MEIS2: variants seen among roughly 807,000 people sequenced by gnomAD.
MEIS2 encodes homeobox protein Meis2.
MEIS2 carries 9 observed loss-of-function variants against 58.6 expected under a neutral mutation model. That is an observed-to-expected ratio of 0.15 (90% CI 0.09 to 0.27). The LOEUF (loss-of-function observed/expected upper bound fraction) is 0.27. MEIS2 is among the 10% of genes least tolerant of loss of function. The pLI is 1.00. For missense variants in MEIS2, 427 were observed against 635.0 expected (o/e 0.67, Z 3.52); for synonymous variants, 221 against 228.4 (o/e 0.97, Z 0.29).
At chr15:36,936,354 C>A (rs1187059340) in intron 9 of MEIS2, among the ~76,000 whole-genome samples, 1 of 152,048 alleles carries the variant, frequency 6.6e-6, no homozygotes, top group African/African-American at 2.4e-5. Context: ...TGTCACCACG[C>A]CCAGCTAATT....
At chr15:37,010,807 T>C (rs1435186812) in intron 8 of MEIS2, among the ~76,000 whole-genome samples, 3 of 152,250 alleles carry the variant, frequency 2.0e-5, no homozygotes, top group Non-Finnish European at 1.5e-5. Flanking sequence ...CTTTATCTCT[T>C]GCTCCTTCCA....
Position 37,012,596 on chromosome 15 carries a change from T to A in MEIS2, c.900+24218A>T, listed in dbSNP as rs186192026. 2.2e-3 allele frequency among the ~76,000 whole-genome samples: 336 copies of A among 152,334 alleles called. 1 individual carries two copies. The highest frequency in any genetic ancestry group is 7.6e-3 in the African/African-American group (315 of 41,566). On this transcript the variant is annotated intron_variant, in intron 8 of 11. Transcript: ENST00000561208. ...TTACCACACTTTGCTTGTTTGTGTG[T>A]ATACATGCATGTGTGTGCATCTATA...
At chr15:37,092,867 A>C (rs1296582292) in intron 6 of MEIS2, among the ~76,000 whole-genome samples, 1 of 151,482 alleles carries the variant, frequency 6.6e-6, no homozygotes, top group Non-Finnish European at 1.5e-5. Flanking sequence ...ATCCTCATTC[A>C]CCAACTGTTA....
chr15:37,009,322 T>C (rs899134982), intron 8 of MEIS2, among the ~76,000 whole-genome samples: 4 of 152,108 alleles, frequency 2.6e-5, no homozygotes, highest in African/African-American at 9.7e-5. Flanking sequence ...AAATAAGATG[T>C]CAACTTGAGC....
intron 6 of MEIS2, among the ~76,000 whole-genome samples, chr15:37,085,605 C>G (rs554430548): frequency 6.6e-6 from 1 of 152,286 alleles, no homozygotes; most frequent in East Asian, 1.9e-4. Flanking sequence ...GATACTGGCA[C>G]TGCTATCAGG....
intron 9 of MEIS2, among the ~76,000 whole-genome samples, chr15:36,911,870 G>T (rs2057043267): frequency 6.6e-6 from 1 of 152,190 alleles, no homozygotes. Flanking sequence ...TATTTGCTGT[G>T]AAGAATTGGC....
intron 8 of MEIS2, among the ~76,000 whole-genome samples, chr15:36,982,286 A>G (rs759710001): frequency 6.6e-6 from 1 of 152,184 alleles, no homozygotes; most frequent in Non-Finnish European, 1.5e-5. Flanking sequence ...AAACTTACTC[A>G]TTCAGCATAA....
At position 36,911,183 on chromosome 15, in the gene MEIS2, A is replaced by T. The variant is rs184083153; in HGVS notation, c.978-14497T>A. On this transcript the variant is annotated intron_variant, in intron 9 of 11. Transcript: ENST00000561208. ...TTTTCCTACTCAATGAAATATTTTT[A>T]AAAAAAAGATCATTGGGTATTTTAC... Among the ~76,000 whole-genome samples the T allele has an allele frequency of 8.1e-3, 1,229 of 151,922 alleles. 7 individuals are homozygous for T. The highest frequency in any genetic ancestry group is 0.017 in the African/African-American group (701 of 41,428).
intron 8 of MEIS2, among the ~76,000 whole-genome samples, chr15:36,970,952 T>C (rs544064663): frequency 2.0e-4 from 30 of 152,274 alleles, no homozygotes; most frequent in Admixed American, 1.2e-3. Context: ...ATAAAATGTG[T>C]TTAAAGCAAC....
At chr15:37,033,325 AAATGGGCC>A (rs2062006858) in intron 8 of MEIS2, among the ~76,000 whole-genome samples, 1 of 152,212 alleles carries the variant, frequency 6.6e-6, no homozygotes, top group Admixed American at 6.5e-5. Flanking sequence ...ATGAATGTCA[AAATGGGCC>A]AATGGCCCAT....
chr15:36,979,720 A>G (rs28485820), intron 8 of MEIS2, among the ~76,000 whole-genome samples: 37,471 of 146,976 alleles, frequency 0.25, 5,211 homozygotes, highest in Non-Finnish European at 0.31. Flanking sequence ...ATATATATGA[A>G]TTACATTTTA....
intron 11 of MEIS2, 63 bp from the exon 12 acceptor site, chr15:36,892,522 T>C (rs1196499526): frequency 9.2e-6 from 6 of 653,538 alleles, no homozygotes; most frequent in African/African-American, 4.2e-5. Context: ...ACTTTACCCA[T>C]CAAAGATGAA....
At chr15:37,021,553 T>G (rs190780996) in intron 8 of MEIS2, among the ~76,000 whole-genome samples, 2 of 152,356 alleles carry the variant, frequency 1.3e-5, no homozygotes, top group African/African-American at 4.8e-5. Flanking sequence ...ACAGAGATGT[T>G]GCACCTCCAA....
intron 8 of MEIS2, among the ~76,000 whole-genome samples, chr15:37,025,507 CCTCA>C (rs996042141): frequency 6.6e-6 from 1 of 152,036 alleles, no homozygotes; most frequent in Admixed American, 6.5e-5. Flanking sequence ...AACAGATTGT[CCTCA>C]CTATCTAAAG....
intron 8 of MEIS2, among the ~76,000 whole-genome samples, chr15:36,975,069 T>C (rs1444477817): frequency 6.6e-6 from 1 of 152,210 alleles, no homozygotes; most frequent in Admixed American, 6.5e-5. Flanking sequence ...CATATGTTCA[T>C]GGAAAATATA....
rs1482333044 is a variant in MEIS2 at position 36,995,978 on chromosome 15, T to G, written c.900+40836A>C. ...TGAGATATATATATATATATATATA[T>G]ATATATATATATATATATATATATG... is the stretch of plus-strand genomic sequence containing the variant. On this transcript the variant is annotated intron_variant, in intron 8 of 11. Coordinates refer to ENST00000561208, the MANE Select transcript of MEIS2 (RefSeq NM_170675.5). 9.1e-3 allele frequency among the ~76,000 whole-genome samples: 372 copies of G among 40,666 alleles called. 3 individuals carry two copies. Among genetic ancestry groups the G allele is most frequent in the African/African-American group, 0.018 (358 of 20,026 alleles). 26.7% of individuals were successfully genotyped at this position (40,666 alleles called of 152,430 possible). A position where few individuals can be genotyped will look rare whatever the true frequency, so the allele number is the denominator to read the frequency against.
At chr15:37,043,862 A>G (rs2062550296) in intron 7 of MEIS2, among the ~76,000 whole-genome samples, 5 of 151,750 alleles carry the variant, frequency 3.3e-5, no homozygotes, top group Admixed American at 3.3e-4. Context: ...TAATTTTTGT[A>G]TTTTTAGTAG....
chr15:36,984,123 G>C (rs887295382), intron 8 of MEIS2, among the ~76,000 whole-genome samples: 11 of 151,650 alleles, frequency 7.3e-5, no homozygotes, highest in Non-Finnish European at 1.3e-4. Flanking sequence ...TTTTTGATTT[G>C]AATCTCTTTT....
intron 9 of MEIS2, among the ~76,000 whole-genome samples, chr15:36,915,123 A>G (rs2057216034): frequency 6.6e-6 from 1 of 152,118 alleles, no homozygotes; most frequent in South Asian, 2.1e-4. Context: ...GTTGGCACAA[A>G]TATACTGAGC....
Sources: gnomAD v4.1 joint callset for allele counts (sites outside exome capture counted in the v4.1 genomes callset) on GRCh38, gnomAD v4.1.1 for gene constraint, MANE v1.5 for transcripts, NCBI Gene and HGNC (gene_info 2026-07-23, HGNC 2026-07-21) for gene names.